CYP27C1: variants seen among roughly 807,000 people sequenced by gnomAD.
The protein encoded by CYP27C1 is cytochrome P450 family 27 subfamily C member 1, also known as cytochrome P450 27C1.
A neutral mutation model predicts 40.6 loss-of-function variants in CYP27C1; 29 were observed. That is an observed-to-expected ratio of 0.71 (90% CI 0.53 to 0.97). The LOEUF is 0.97. CYP27C1 is among the 50% of genes least tolerant of loss of function. The pLI, the probability that CYP27C1 is intolerant of heterozygous loss-of-function variation, is 0.00. For synonymous variants in CYP27C1, 198 were observed against 186.8 expected, an observed-to-expected ratio of 1.06 and a Z score of -0.49; for missense variants, 390 against 485.8, an observed-to-expected ratio of 0.80 and a Z score of 1.85.
chr2:127,210,827 A>G (rs1210473976), intron 1 of CYP27C1, among the ~76,000 whole-genome samples: 2 of 152,236 alleles, frequency 1.3e-5, no homozygotes, highest in African/African-American at 4.8e-5. Flanking sequence ...TATTCTGAAT[A>G]TATATGCACC....
intron 8 of CYP27C1, 107 bp from the exon 9 acceptor site, chr2:127,187,494 C>G: frequency 1.1e-6 from 1 of 944,002 alleles, no homozygotes; most frequent in East Asian, 2.5e-5. Context: ...CTGCAGAGAG[C>G]GCAGGCAATG....
intron 1 of CYP27C1, among the ~76,000 whole-genome samples, chr2:127,212,355 G>C (rs1683356133): frequency 1.3e-5 from 2 of 152,230 alleles, no homozygotes; most frequent in Middle Eastern, 6.8e-3. Flanking sequence ...ACCAGGAAGA[G>C]ACAGAATAAA....
In CYP27C1 at chr2:127,205,658, C is replaced by T. The variant is rs1423389765; in HGVS notation, c.473+242G>A. Reference sequence around the variant, plus strand: ...CCCTGCTTCCGAAGCGCTCTGCCCACCACGGAGCCAGCGTCGCCCCTCCTG... The same window carrying T: ...CCCTGCTTCCGAAGCGCTCTGCCCATCACGGAGCCAGCGTCGCCCCTCCTG... On this transcript the variant is annotated intron_variant, in intron 2 of 8. Coordinates refer to ENST00000664447, the MANE Select transcript of CYP27C1 (RefSeq NM_001367502.1). 3 of 985,312 alleles carry T rather than the reference C, an allele frequency of 3.0e-6. No homozygotes were observed. The African/African-American group carries it at 5.2e-5, about 17-fold the overall frequency. 61.0% of individuals were successfully genotyped at this position (985,312 alleles called of 1,614,324 possible). A position where few individuals can be genotyped will look rare whatever the true frequency, so the allele number is the denominator to read the frequency against.
chr2:127,204,440 A>AAAAAG lies in CYP27C1; in HGVS notation c.474-870_474-869insCTTTT, dbSNP rs1268658274. On this transcript the variant is annotated intron_variant, in intron 2 of 8. Coordinates refer to ENST00000664447, the MANE Select transcript of CYP27C1 (RefSeq NM_001367502.1). ...AAGAAAGAGAGAAAGGAAAGAAAGA[A>AAAAAG]AAAGAAAGAAAGAAAGAAAGAAAGA... 1.7e-3 allele frequency among the ~76,000 whole-genome samples: 72 copies of AAAAAG among 41,332 alleles called. 2 individuals carry two copies. The highest frequency in any genetic ancestry group is 5.3e-3 in the African/African-American group (69 of 13,102). 27.1% of individuals were successfully genotyped at this position (41,332 alleles called of 152,430 possible). A position where few individuals can be genotyped will look rare whatever the true frequency, so the allele number is the denominator to read the frequency against.
chr2:127,214,175 G>T (rs1315330953), intron 1 of CYP27C1, among the ~76,000 whole-genome samples: 1 of 152,180 alleles, frequency 6.6e-6, no homozygotes, highest in African/African-American at 2.4e-5. Context: ...AGGAATAGAT[G>T]CTGGCAAGGC....
chr2:127,202,213 C>T (rs1194617477), intron 3 of CYP27C1, among the ~76,000 whole-genome samples: 2 of 152,094 alleles, frequency 1.3e-5, no homozygotes, highest in Non-Finnish European at 2.9e-5. Context: ...CAACCTCCGC[C>T]TCTCTAGTTC....
At chr2:127,193,525 C>T (rs1191978215) in intron 7 of CYP27C1, among the ~76,000 whole-genome samples, 2 of 152,208 alleles carry the variant, frequency 1.3e-5, no homozygotes, top group East Asian at 1.9e-4. Flanking sequence ...AGACTCCCAG[C>T]GGTGACTGGC....
In CYP27C1 at chr2:127,201,231, G is replaced by A; in HGVS notation, c.774C>T (p.Ser258=). ...CTGCATACATGGAGGTCTTGAACAT[G>A]CTAAACATGAGCTCCAGGGCCTCGA... ...EYIEALELMF[S]MFKTSMYAGA... is the part of the protein sequence containing the mutation. The change falls in exon 4 of 9, where the codon AGC becomes AGT. Residue 258 remains serine, a synonymous_variant. Coordinates refer to ENST00000664447, the MANE Select transcript of CYP27C1 (RefSeq NM_001367502.1). This position sits in a 1 kb window ranked among gnomAD's most constrained non-coding sequence, Gnocchi z 6.0. 1.2e-6 allele frequency: 2 copies of A among 1,614,186 alleles called. No homozygotes were observed. The highest frequency in any genetic ancestry group is 8.5e-7 in the Non-Finnish European group (1 of 1,180,044).
rs752487372 is a variant in CYP27C1 at position 127,201,234 on chromosome 2, A to C, written c.771T>G (p.Phe257Leu). ...VEYIEALELM[F>L]SMFKTSMYAG... is the part of the protein sequence containing the mutation. The stretch of plus-strand genomic sequence containing the variant: ...CATACATGGAGGTCTTGAACATGCT[A>C]AACATGAGCTCCAGGGCCTCGATGT... Residue 257 changes from phenylalanine to leucine, a missense_variant, in exon 4 of 9, where the codon TTT (phenylalanine) becomes TTG (leucine). Transcript: ENST00000664447. This position sits in a 1 kb window ranked among gnomAD's most constrained non-coding sequence, Gnocchi z 6.0. 1.2e-6 allele frequency: 2 copies of C among 1,614,188 alleles called. No individual in the cohort carries two copies. Among genetic ancestry groups the C allele is most frequent in the Non-Finnish European group, 1.7e-6 (2 of 1,180,036 alleles).
intron 5 of CYP27C1, among the ~76,000 whole-genome samples, chr2:127,197,358 C>T (rs546629768): frequency 6.6e-5 from 10 of 152,084 alleles, no homozygotes; most frequent in South Asian, 2.1e-4. Context: ...TTTTGTTTTT[C>T]GCTTTTACAT....
Position 127,195,298 on chromosome 2 carries a change from G to T in CYP27C1, c.1214+37C>A. The T allele has an allele frequency of 6.2e-7, 1 of 1,613,254 alleles. No individual in the cohort carries two copies. The highest frequency in any genetic ancestry group is 8.5e-7 in the Non-Finnish European group (1 of 1,179,554). ...GTGATAGAGAACCAGGGACCTAAGGGACACAGTTTGTTGACGGATTCTGGC... is the reference window on the plus strand; with the variant it reads ...GTGATAGAGAACCAGGGACCTAAGGTACACAGTTTGTTGACGGATTCTGGC... On this transcript the variant is annotated intron_variant, in intron 6 of 8. Coordinates refer to ENST00000664447, the MANE Select transcript of CYP27C1 (RefSeq NM_001367502.1). This position sits in a 1 kb window ranked among gnomAD's most constrained non-coding sequence, Gnocchi z 6.2.
intron 1 of CYP27C1, among the ~76,000 whole-genome samples, chr2:127,214,767 A>G (rs1683394162): frequency 6.9e-6 from 1 of 144,498 alleles, no homozygotes; most frequent in South Asian, 2.2e-4. Flanking sequence ...TGTTCTGCAC[A>G]TGTATCCGTT....
rs1006786730 is a variant in CYP27C1 at position 127,209,068 on chromosome 2, T to C, written c.283-2978A>G. Reference sequence around the variant, plus strand: ...CTGGGTGAGACCCTCCAATAGGGGTTGTCAGATACCCTATACAGAAGCAAT... The same window carrying C: ...CTGGGTGAGACCCTCCAATAGGGGTCGTCAGATACCCTATACAGAAGCAAT... On this transcript the variant is annotated intron_variant, in intron 1 of 8. Transcript: ENST00000664447. This position sits in a 1 kb window ranked among gnomAD's most constrained non-coding sequence, Gnocchi z 4.1. Among the ~76,000 whole-genome samples the C allele has an allele frequency of 6.6e-6, 1 of 152,182 alleles. No individual in the cohort carries two copies. Among genetic ancestry groups the C allele is most frequent in the African/African-American group, 2.4e-5 (1 of 41,440 alleles).
intron 5 of CYP27C1, among the ~76,000 whole-genome samples, chr2:127,197,602 G>A (rs1057259918): frequency 1.3e-5 from 2 of 152,088 alleles, no homozygotes; most frequent in Non-Finnish European, 2.9e-5. Context: ...TGGAAACAGC[G>A]AAGCGTCACG....
intron 1 of CYP27C1, among the ~76,000 whole-genome samples, chr2:127,206,665 A>G (rs1683235017): frequency 6.6e-6 from 1 of 152,204 alleles, no homozygotes. Context: ...CAAGAGAGAA[A>G]TGTCATTATA....
intron 8 of CYP27C1, among the ~76,000 whole-genome samples, chr2:127,189,621 TAAAAA>T (rs34402051): frequency 7.1e-6 from 1 of 141,354 alleles, no homozygotes; most frequent in African/African-American, 2.6e-5. Flanking sequence ...AAAGTAAAAT[TAAAAA>T]AAAAAAAAAA....
chr2:127,199,390 C>T lies in CYP27C1; in HGVS notation c.1033G>A (p.Ala345Thr). ...CCCAGACTCACCGTGTCGACGCCGG[C>T]CAGCAGCATCTCAGTCACGTTGGCG... ...IYANVTEMLL[A>T]GVDTTSFTLS... The change falls in exon 5 of 9, where the codon GCC becomes ACC. Residue 345 changes from alanine to threonine, a missense_variant. Ala to Thr is a moderately conservative substitution (Grantham distance 58). Coordinates refer to ENST00000664447, the MANE Select transcript of CYP27C1 (RefSeq NM_001367502.1). 2 of 1,614,078 alleles carry T rather than the reference C, an allele frequency of 1.2e-6. No homozygotes were observed. Among genetic ancestry groups the T allele is most frequent in the South Asian group, 2.2e-5 (2 of 91,076 alleles).
At position 127,218,150 on chromosome 2, in the gene CYP27C1, T is replaced by G. The variant is rs137871544; in HGVS notation, c.282+1839A>C. On this transcript the variant is annotated intron_variant, in intron 1 of 8. Coordinates refer to ENST00000664447, the MANE Select transcript of CYP27C1 (RefSeq NM_001367502.1). This position sits in a 1 kb window ranked among gnomAD's most constrained non-coding sequence, Gnocchi z 6.0. ...GAGGGGCTGAGCTCAGGGTGAGGGC[T>G]GGCGGCAGGGGCGGGTGAATGGAAA... Among the ~76,000 whole-genome samples the G allele has an allele frequency of 6.6e-6, 1 of 152,028 alleles. No individual in the cohort carries two copies. Among genetic ancestry groups the G allele is most frequent in the Non-Finnish European group, 1.5e-5 (1 of 68,000 alleles).
Position 127,218,292 on chromosome 2 carries a change from G to A in CYP27C1, c.282+1697C>T, listed in dbSNP as rs1683483383. 6.6e-6 allele frequency among the ~76,000 whole-genome samples: 1 copy of A among 152,180 alleles called. No homozygotes were observed. The highest frequency in any genetic ancestry group is 1.5e-5 in the Non-Finnish European group (1 of 68,042). On this transcript the variant is annotated intron_variant, in intron 1 of 8. Transcript: ENST00000664447. This position sits in a 1 kb window ranked among gnomAD's most constrained non-coding sequence, Gnocchi z 6.0. ...GTGAGGTATGAGGATAAAAGCAGAT[G>A]GCAGTAGGGGCGGATAAAAGAAAAA...
Sources: gnomAD v4.1 joint callset for allele counts (sites outside exome capture counted in the v4.1 genomes callset) on GRCh38, gnomAD v4.1.1 for gene constraint, Gnocchi (gnomAD v3.1) non-coding constraint, MANE v1.5 for transcripts, NCBI Gene and HGNC (gene_info 2026-07-23, HGNC 2026-07-21) for gene names.